Variants in WNT3A observed in about 807,000 individuals in gnomAD.
WNT3A encodes the protein Wnt family member 3A.
WNT3A carries 17 observed loss-of-function variants against 37.0 expected under a neutral mutation model. That is an observed-to-expected ratio of 0.46 (90% CI 0.31 to 0.69). The LOEUF (loss-of-function observed/expected upper bound fraction) is 0.69, where lower values mean the gene tolerates loss of function less well. Among genes scored for constraint, WNT3A ranks in the 30% least tolerant of loss-of-function variants. The pLI, the probability that WNT3A is intolerant of heterozygous loss-of-function variation, is 0.05. For missense variants in WNT3A, 411 were observed against 510.2 expected (o/e 0.81, Z 1.87); for synonymous variants, 187 against 211.0 (o/e 0.89, Z 0.99).
chr1:228,059,565 C>A lies in WNT3A; in HGVS notation c.*100C>A, dbSNP rs2031753025. On this transcript the variant is annotated 3_prime_UTR_variant, in exon 4 of 4. Coordinates refer to ENST00000284523, the MANE Select transcript of WNT3A (RefSeq NM_033131.4). Reference sequence around the variant, plus strand: ...CCCACCTAAACGGGGCAGTACTCCTCCCTGGGGGCGGGACTCCTCCCTGGG... The same window carrying A: ...CCCACCTAAACGGGGCAGTACTCCTACCTGGGGGCGGGACTCCTCCCTGGG... 1 of 1,401,780 alleles carries A rather than the reference C, an allele frequency of 7.1e-7. No homozygotes were observed. Among genetic ancestry groups the A allele is most frequent in the Non-Finnish European group, 9.2e-7 (1 of 1,084,840 alleles). 86.8% of individuals were successfully genotyped at this position (1,401,780 alleles called of 1,614,324 possible). A position where few individuals can be genotyped will look rare whatever the true frequency, so the allele number is the denominator to read the frequency against.
rs1558297819 is a variant in WNT3A, at chr1:228,060,193, C to T, written c.*728C>T. On this transcript the variant is annotated 3_prime_UTR_variant, in exon 4 of 4. Coordinates refer to ENST00000284523, the MANE Select transcript of WNT3A (RefSeq NM_033131.4). ...AACCGCCCTCCTGATTAAGGCGTGG[C>T]TTCTGCAGGAATCCCGGCTCCAGAG... 7.4e-7 allele frequency: 1 copy of T among 1,351,710 alleles called. No homozygotes were observed. The highest frequency in any genetic ancestry group is 1.1e-5 in the South Asian group (1 of 88,038). The allele number at this position is 1,351,710 out of a possible 1,614,324, so 83.7% of individuals were successfully genotyped here.
At chr1:228,054,489 G>T (rs149439975) in intron 3 of WNT3A, among the ~76,000 whole-genome samples, 4 of 151,762 alleles carry the variant, frequency 2.6e-5, no homozygotes, top group African/African-American at 7.3e-5. Flanking sequence ...TTAGCCAGGC[G>T]TGGTGGCAGG....
At chr1:228,051,247 G>A (rs932596040) in intron 3 of WNT3A, among the ~76,000 whole-genome samples, 1 of 152,118 alleles carries the variant, frequency 6.6e-6, no homozygotes, top group Admixed American at 6.5e-5. Context: ...ATTCTGCAAT[G>A]AGGAAATGCA....
In WNT3A at chr1:228,060,252, AAC is replaced by A. The variant is rs1351201142; in HGVS notation, c.*788_*789del. Reference sequence around the variant, plus strand: ...TCAGCCCACCAGCCACCTCATCCCCAACCCCCTGTAAGGTTCCATCCACCCCT... The same window carrying A: ...TCAGCCCACCAGCCACCTCATCCCCACCCCTGTAAGGTTCCATCCACCCCT... On this transcript the variant is annotated 3_prime_UTR_variant, in exon 4 of 4. Coordinates refer to ENST00000284523, the MANE Select transcript of WNT3A (RefSeq NM_033131.4). 2 of 1,351,446 alleles carry A rather than the reference AAC, an allele frequency of 1.5e-6. No homozygotes were observed. The allele number at this position is 1,351,446 out of a possible 1,614,324, so 83.7% of individuals were successfully genotyped here. A position where few individuals can be genotyped will look rare whatever the true frequency, so the allele number is the denominator to read the frequency against.
At chr1:228,051,052 C>G in intron 3 of WNT3A, 131 bp downstream of exon 3, 3 of 1,209,146 alleles carry the variant, frequency 2.5e-6, no homozygotes, top group Non-Finnish European at 3.3e-6. Flanking sequence ...TCGACCCCTG[C>G]CTGGGGTGTG....
Position 228,050,598 on chromosome 1 carries a change from C to G in WNT3A, c.314-58C>G. On this transcript the variant is annotated intron_variant, in intron 2 of 3. Coordinates refer to ENST00000284523, the MANE Select transcript of WNT3A (RefSeq NM_033131.4). The surrounding 1 kb of genome is among the most constrained non-coding windows in gnomAD (Gnocchi z 5.0). ...CAAATGGGCTAAGACCCCTGACCTG[C>G]CCAAGGCGGTCCTTTGAGCTGAGCC... is the stretch of plus-strand genomic sequence containing the variant. The G allele has an allele frequency of 6.5e-7, 1 of 1,528,528 alleles. No individual in the cohort carries two copies. The highest frequency in any genetic ancestry group is 8.8e-7 in the Non-Finnish European group (1 of 1,137,776). The allele number at this position is 1,528,528 out of a possible 1,614,324, so 94.7% of individuals were successfully genotyped here. A position where few individuals can be genotyped will look rare whatever the true frequency, so the allele number is the denominator to read the frequency against.
intron 2 of WNT3A, among the ~76,000 whole-genome samples, chr1:228,048,089 A>G (rs1290727551): frequency 6.6e-6 from 1 of 152,166 alleles, no homozygotes; most frequent in African/African-American, 2.4e-5. Flanking sequence ...TAAGGGGTCC[A>G]TTGCAGGCCT....
chr1:228,031,504 G>T lies in WNT3A; in HGVS notation c.313+8596G>T, dbSNP rs2031008091. 6.6e-6 allele frequency among the ~76,000 whole-genome samples: 1 copy of T among 152,144 alleles called. No individual in the cohort carries two copies. The highest frequency in any genetic ancestry group is 1.5e-5 in the Non-Finnish European group (1 of 68,008). ...TCCAAGGGTGTGTGTGGCGTGTGAT[G>T]CATTGTGTGTATGTGAGTGTGCACG... On this transcript the variant is annotated intron_variant, in intron 2 of 3. Transcript: ENST00000284523. The surrounding 1 kb of genome is among the most constrained non-coding windows in gnomAD (Gnocchi z 4.8).
chr1:228,017,391 A>T (rs927557694), intron 1 of WNT3A, among the ~76,000 whole-genome samples: 2 of 152,182 alleles, frequency 1.3e-5, no homozygotes, highest in African/African-American at 4.8e-5. Context: ...AGGCCGCAGG[A>T]GGAGGGAAGA....
intron 2 of WNT3A, among the ~76,000 whole-genome samples, chr1:228,040,114 A>G (rs2031240755): frequency 6.6e-6 from 1 of 152,076 alleles, no homozygotes; most frequent in East Asian, 1.9e-4. Context: ...CCTTGAGGCT[A>G]TGGCCATGGA....
At chr1:228,052,288 C>T (rs1464875381) in intron 3 of WNT3A, among the ~76,000 whole-genome samples, 5 of 152,210 alleles carry the variant, frequency 3.3e-5, no homozygotes, top group African/African-American at 1.2e-4. Flanking sequence ...GGACTATAGG[C>T]GCATGCCACC....
chr1:228,052,131 T>C (rs1483801490), intron 3 of WNT3A, among the ~76,000 whole-genome samples: 1 of 152,080 alleles, frequency 6.6e-6, no homozygotes, highest in Non-Finnish European at 1.5e-5. Flanking sequence ...CCCTACCTCT[T>C]AATGCTGTCA....
intron 2 of WNT3A, among the ~76,000 whole-genome samples, chr1:228,024,918 T>G (rs938095009): frequency 3.3e-5 from 5 of 152,232 alleles, no homozygotes; most frequent in Non-Finnish European, 5.9e-5. Flanking sequence ...TCAAATGGTC[T>G]TGGCACCCTT....
chr1:228,040,407 G>A (rs191982452), intron 2 of WNT3A, among the ~76,000 whole-genome samples: 9 of 152,296 alleles, frequency 5.9e-5, no homozygotes, highest in Admixed American at 2.6e-4. Flanking sequence ...TGTCCCTGCC[G>A]AAATGCTTCT....
chr1:228,014,704 G>T (rs536770493), intron 1 of WNT3A, among the ~76,000 whole-genome samples: 33 of 152,380 alleles, frequency 2.2e-4, no homozygotes, highest in African/African-American at 7.7e-4. Flanking sequence ...AGCCGGGGAG[G>T]CCAGCGTGGC....
Position 228,059,563 on chromosome 1 carries a change from C to T in WNT3A, c.*98C>T. 7.1e-7 allele frequency: 1 copy of T among 1,401,212 alleles called. No individual in the cohort carries two copies. The highest frequency in any genetic ancestry group is 9.2e-7 in the Non-Finnish European group (1 of 1,084,470). The allele number at this position is 1,401,212 out of a possible 1,614,324, so 86.8% of individuals were successfully genotyped here. On this transcript the variant is annotated 3_prime_UTR_variant, in exon 4 of 4. Coordinates refer to ENST00000284523, the MANE Select transcript of WNT3A (RefSeq NM_033131.4). ...CTCCCACCTAAACGGGGCAGTACTCCTCCCTGGGGGCGGGACTCCTCCCTG... is the reference window on the plus strand; with the variant it reads ...CTCCCACCTAAACGGGGCAGTACTCTTCCCTGGGGGCGGGACTCCTCCCTG...
At chr1:228,046,765 G>A (rs2031422996) in intron 2 of WNT3A, among the ~76,000 whole-genome samples, 1 of 150,056 alleles carries the variant, frequency 6.7e-6, no homozygotes, top group Admixed American at 6.6e-5. Flanking sequence ...TGTGTGTGGT[G>A]GGGTGTGCAT....
chr1:228,049,569 A>G lies in WNT3A; in HGVS notation c.314-1087A>G, dbSNP rs150152030. Among the ~76,000 whole-genome samples the G allele has an allele frequency of 7.7e-3, 1,179 of 152,290 alleles. 3 individuals are homozygous for G. Among genetic ancestry groups the G allele is most frequent in the Admixed American group, 0.015 (232 of 15,306 alleles). ...GACGTTTACCCTTGAAGACACTGCC[A>G]AAGTGCCTCCCAAGGGGACTGCACC... On this transcript the variant is annotated intron_variant, in intron 2 of 3. Coordinates refer to ENST00000284523, the MANE Select transcript of WNT3A (RefSeq NM_033131.4).
Position 228,059,966 on chromosome 1 carries a change from C to T in WNT3A, c.*501C>T. ...CTGCTCCCTGAGGGCGGAGCGCCTCCTTAGGAGTGGGGTTTTATGGTGGAT... is the reference window on the plus strand; with the variant it reads ...CTGCTCCCTGAGGGCGGAGCGCCTCTTTAGGAGTGGGGTTTTATGGTGGAT... On this transcript the variant is annotated 3_prime_UTR_variant, in exon 4 of 4. Transcript: ENST00000284523. 2 of 1,125,680 alleles carry T rather than the reference C, an allele frequency of 1.8e-6. No homozygotes were observed. The highest frequency in any genetic ancestry group is 2.2e-6 in the Non-Finnish European group (2 of 907,618). 69.7% of individuals were successfully genotyped at this position (1,125,680 alleles called of 1,614,324 possible).
Sources: allele counts gnomAD v4.1 joint callset (sites outside exome capture counted in the v4.1 genomes callset), GRCh38; gene constraint gnomAD v4.1.1; non-coding constraint Gnocchi (gnomAD v3.1); transcripts MANE v1.5; gene names NCBI Gene and HGNC (gene_info 2026-07-23, HGNC 2026-07-21).